PRKG1: variants seen among roughly 807,000 people sequenced by gnomAD.
PRKG1 encodes cGMP-dependent protein kinase 1.
A neutral mutation model predicts 88.1 loss-of-function variants in PRKG1; 35 were observed. The ratio of observed to expected loss-of-function variants is 0.40; its 90% CI spans 0.30 to 0.53. The LOEUF (loss-of-function observed/expected upper bound fraction) is 0.53, where lower values mean the gene tolerates loss of function less well. PRKG1 is among the 20% of genes least tolerant of loss of function. The pLI is 0.59. For synonymous variants in PRKG1, 303 were observed against 292.5 expected (o/e 1.04, Z -0.37); for missense variants, 540 against 839.8 (o/e 0.64, Z 4.41).
chr10:52,119,770 C>T (rs1847772057), intron 7 of PRKG1, among the ~76,000 whole-genome samples: 1 of 152,100 alleles, frequency 6.6e-6, no homozygotes. Context: ...TTATAAAGAA[C>T]AGGAATTTAT....
Position 51,261,881 on chromosome 10 carries a change from AT to A in PRKG1, c.478+108572del, listed in dbSNP as rs375382268. On this transcript the variant is annotated intron_variant, in intron 2 of 17. Coordinates refer to ENST00000373980, the MANE Select transcript of PRKG1 (RefSeq NM_006258.4). Reference sequence around the variant, plus strand: ...AAGCCAGCGTGGTTAGGATTTTCTAATTTTTTTTTTTTTTTTTTTTTGAGAT... The same window carrying A: ...AAGCCAGCGTGGTTAGGATTTTCTAATTTTTTTTTTTTTTTTTTTTGAGAT... 2.7e-3 allele frequency among the ~76,000 whole-genome samples: 328 copies of A among 120,604 alleles called. 1 individual carries two copies. Among genetic ancestry groups the A allele is most frequent in the Middle Eastern group, 9.2e-3 (2 of 218 alleles). 79.1% of individuals were successfully genotyped at this position (120,604 alleles called of 152,430 possible).
chr10:52,012,591 T>A (rs1209340566), intron 5 of PRKG1, among the ~76,000 whole-genome samples: 6 of 152,154 alleles, frequency 3.9e-5, no homozygotes, highest in African/African-American at 1.2e-4. Flanking sequence ...TTCACCATGT[T>A]GGCCAGGCTG....
chr10:52,164,087 G>A (rs1045367876), intron 9 of PRKG1, among the ~76,000 whole-genome samples: 9 of 151,978 alleles, frequency 5.9e-5, no homozygotes, highest in East Asian at 1.9e-4. Flanking sequence ...CACTAGGCTC[G>A]TGCCTGTAAT....
At chr10:51,326,620 G>A (rs1045278182) in intron 2 of PRKG1, among the ~76,000 whole-genome samples, 18 of 152,096 alleles carry the variant, frequency 1.2e-4, no homozygotes, top group African/African-American at 4.3e-4. Context: ...TTTCTTTCTT[G>A]ATGTATGGGC....
chr10:51,173,033 A>G (rs1320947637), intron 2 of PRKG1, among the ~76,000 whole-genome samples: 2 of 151,970 alleles, frequency 1.3e-5, no homozygotes, highest in Non-Finnish European at 2.9e-5. Context: ...TTGACACTAC[A>G]ACTCCACAAA....
chr10:51,290,137 G>A (rs536336927), intron 2 of PRKG1, among the ~76,000 whole-genome samples: 3 of 152,238 alleles, frequency 2.0e-5, no homozygotes, highest in South Asian at 2.1e-4. Flanking sequence ...GGACACAGGA[G>A]GCTGAGATGA....
intron 7 of PRKG1, among the ~76,000 whole-genome samples, chr10:52,116,879 A>C (rs759107654): frequency 2.9e-4 from 44 of 151,994 alleles, no homozygotes; most frequent in Non-Finnish European, 4.4e-4. Context: ...GAACTTAGGT[A>C]TCTGACCCTA....
At chr10:51,167,161 T>C (rs1035870170) in intron 2 of PRKG1, among the ~76,000 whole-genome samples, 1 of 152,116 alleles carries the variant, frequency 6.6e-6, no homozygotes, top group Non-Finnish European at 1.5e-5. Context: ...TAATAAGTGC[T>C]ATGAAAAAAT....
At chr10:52,290,833 G>A (rs147807310) in intron 17 of PRKG1, among the ~76,000 whole-genome samples, 93 of 152,046 alleles carry the variant, frequency 6.1e-4, no homozygotes, top group African/African-American at 2.0e-3. Context: ...TTCAGCTTGG[G>A]TGACAGAGTG....
chr10:52,273,388 G>T (rs1300493007), intron 12 of PRKG1, among the ~76,000 whole-genome samples: 9 of 151,910 alleles, frequency 5.9e-5, no homozygotes. Context: ...TTTGAGTCCT[G>T]CCTCCCAGAC....
At chr10:51,315,240 G>T (rs1217840478) in intron 2 of PRKG1, among the ~76,000 whole-genome samples, 1 of 152,126 alleles carries the variant, frequency 6.6e-6, no homozygotes, top group Non-Finnish European at 1.5e-5. Context: ...CTTCCAGCAA[G>T]TCACAATTGT....
intron 13 of PRKG1, 125 bp from the exon 14 acceptor site, chr10:52,282,028 A>G: frequency 9.6e-7 from 1 of 1,040,704 alleles, no homozygotes; most frequent in Non-Finnish European, 1.3e-6. Context: ...TCTTTTTGGA[A>G]GACAGAACTA....
At chr10:51,649,654 A>C (rs1342722110) in intron 3 of PRKG1, among the ~76,000 whole-genome samples, 1 of 152,218 alleles carries the variant, frequency 6.6e-6, no homozygotes, top group Admixed American at 6.5e-5. Flanking sequence ...GAAGCAAGGA[A>C]AGAATGAAGC....
At chr10:51,834,073 T>C (rs1466167480) in intron 4 of PRKG1, among the ~76,000 whole-genome samples, 2 of 152,132 alleles carry the variant, frequency 1.3e-5, no homozygotes, top group Non-Finnish European at 2.9e-5. Context: ...TTCCATTGTG[T>C]ATAGGGCTAA....
intron 5 of PRKG1, among the ~76,000 whole-genome samples, chr10:51,970,713 T>TATATATATCAGATATATCATCTG (rs1843689442): frequency 2.2e-5 from 3 of 137,660 alleles, no homozygotes; most frequent in African/African-American, 9.4e-5. Context: ...TATCATCTGA[T>TATATATATCAGATATATCATCTG]ATATATATAT....
chr10:51,354,986 C>A (rs1259852199), intron 2 of PRKG1, among the ~76,000 whole-genome samples: 2 of 152,052 alleles, frequency 1.3e-5, no homozygotes, highest in Non-Finnish European at 2.9e-5. Context: ...AAATTTCAGA[C>A]TCAGATGCAT....
intron 4 of PRKG1, among the ~76,000 whole-genome samples, chr10:51,814,890 T>G (rs1284229391): frequency 6.6e-6 from 1 of 152,174 alleles, no homozygotes; most frequent in Non-Finnish European, 1.5e-5. Context: ...CATGTAAGTT[T>G]TTTCTACTTC....
chr10:51,180,374 T>C (rs1028852724), intron 2 of PRKG1, among the ~76,000 whole-genome samples: 1 of 152,216 alleles, frequency 6.6e-6, no homozygotes, highest in Non-Finnish European at 1.5e-5. Context: ...TTAAGTAGAC[T>C]TAGTTTGCTT....
intron 1 of PRKG1, among the ~76,000 whole-genome samples, chr10:51,128,792 A>T (rs760610922): frequency 7.9e-5 from 12 of 152,252 alleles, no homozygotes; most frequent in Non-Finnish European, 1.6e-4. Context: ...AGTAAGAAAC[A>T]TACACAGATG....
Sources: allele counts gnomAD v4.1 joint callset (sites outside exome capture counted in the v4.1 genomes callset), GRCh38; gene constraint gnomAD v4.1.1; transcripts MANE v1.5; gene names NCBI Gene and HGNC (gene_info 2026-07-23, HGNC 2026-07-21).